The following MINDY3 variants were observed in gnomAD, a reference collection of about 807,000 sequenced individuals.
MINDY3 encodes ubiquitin carboxyl-terminal hydrolase MINDY-3.
A neutral mutation model predicts 69.2 loss-of-function variants in MINDY3; 38 were observed. The observed-to-expected ratio is 0.55, with a 90% CI of 0.42 to 0.72. The LOEUF is 0.72. MINDY3 is among the 30% of genes least tolerant of loss of function. MINDY3 has a pLI of 0.00. For synonymous variants in MINDY3, 192 were observed against 180.1 expected, an observed-to-expected ratio of 1.07 and a Z score of -0.53; for missense variants, 522 against 519.0, an observed-to-expected ratio of 1.01 and a Z score of -0.06.
At position 15,839,008 on chromosome 10, in the gene MINDY3, A is replaced by G. The variant is rs568714285; in HGVS notation, c.410-729T>C. Among the ~76,000 whole-genome samples the G allele has an allele frequency of 4.0e-5, 6 of 151,740 alleles. No individual in the cohort carries two copies. In the South Asian group the frequency reaches 1.2e-3, roughly 31 times the overall value. ...AGGCACACAGAAAAATCCTCTCAAG[A>G]GTACATAGGATTAAACAGCAGAGAT... On this transcript the variant is annotated intron_variant, in intron 4 of 14. Coordinates refer to ENST00000277632, the MANE Select transcript of MINDY3 (RefSeq NM_024948.4).
chr10:15,819,532 G>C (rs1489631507), intron 9 of MINDY3, among the ~76,000 whole-genome samples: 2 of 152,080 alleles, frequency 1.3e-5, no homozygotes, highest in Non-Finnish European at 2.9e-5. Flanking sequence ...GATAACCCAA[G>C]AGCCCCCCAG....
chr10:15,860,349 A>G lies in MINDY3; in HGVS notation c.-50T>C, dbSNP rs756825657. The G allele has an allele frequency of 6.5e-6, 9 of 1,392,940 alleles. No individual in the cohort carries two copies. In the South Asian group the frequency reaches 1.1e-4, roughly 17 times the overall value. 86.3% of individuals were successfully genotyped at this position (1,392,940 alleles called of 1,614,324 possible). A position where few individuals can be genotyped will look rare whatever the true frequency, so the allele number is the denominator to read the frequency against. On this transcript the variant is annotated 5_prime_UTR_variant, in exon 1 of 15. Coordinates refer to ENST00000277632, the MANE Select transcript of MINDY3 (RefSeq NM_024948.4). ...TCGCTTTGCGGACTCCTGCCCCGGA[A>G]CATGGGGAAGGGGCAACTCCGGAAA...
At chr10:15,828,732 T>C (rs978980197) in intron 8 of MINDY3, among the ~76,000 whole-genome samples, 1 of 152,162 alleles carries the variant, frequency 6.6e-6, no homozygotes, top group Non-Finnish European at 1.5e-5. Context: ...ACAATCTAAC[T>C]GTTTACCATA....
At chr10:15,853,076 C>T (rs1335381761) in intron 1 of MINDY3, among the ~76,000 whole-genome samples, 1 of 152,030 alleles carries the variant, frequency 6.6e-6, no homozygotes, top group Non-Finnish European at 1.5e-5. Context: ...GAACCCACTA[C>T]CCCTCGAACA....
chr10:15,831,684 T>C (rs1034277905), intron 8 of MINDY3, among the ~76,000 whole-genome samples: 2 of 149,818 alleles, frequency 1.3e-5, no homozygotes, highest in African/African-American at 4.9e-5. Context: ...TTTTTTTTTT[T>C]TTTTTTTTTG....
chr10:15,821,622 A>G (rs1227646128), intron 9 of MINDY3, 34 bp downstream of exon 9: 2 of 1,544,826 alleles, frequency 1.3e-6, no homozygotes, highest in Admixed American at 3.5e-5. Context: ...CATCTAAACA[A>G]AAAACATTCA....
At chr10:15,859,620 C>A (rs1834943887) in intron 1 of MINDY3, among the ~76,000 whole-genome samples, 1 of 151,378 alleles carries the variant, frequency 6.6e-6, no homozygotes, top group African/African-American at 2.5e-5. Flanking sequence ...CCTTTTTTAA[C>A]CGTGACAGAT....
chr10:15,785,536 T>A (rs915081434), intron 13 of MINDY3, among the ~76,000 whole-genome samples: 8 of 152,178 alleles, frequency 5.3e-5, no homozygotes, highest in African/African-American at 1.9e-4. Context: ...AATGTATTAT[T>A]AATCCAGATA....
intron 8 of MINDY3, among the ~76,000 whole-genome samples, chr10:15,830,998 G>A (rs1840418871): frequency 6.6e-6 from 1 of 152,088 alleles, no homozygotes; most frequent in Admixed American, 6.6e-5. Context: ...CAGTAACTCT[G>A]GAAAGATATA....
chr10:15,823,107 C>G (rs1236290755), intron 8 of MINDY3, among the ~76,000 whole-genome samples: 1 of 152,030 alleles, frequency 6.6e-6, no homozygotes, highest in African/African-American at 2.4e-5. Context: ...TACTGTGTAG[C>G]CTTAACTACA....
Position 15,860,477 on chromosome 10 carries a change from G to C in MINDY3, c.-178C>G. On this transcript the variant is annotated 5_prime_UTR_variant, in exon 1 of 15. Coordinates refer to ENST00000277632, the MANE Select transcript of MINDY3 (RefSeq NM_024948.4). The stretch of plus-strand genomic sequence containing the variant: ...GAGACCAAGCCTGTCAAGCCAGGTT[G>C]GGGCAGCAGCGAGTTTTCCGTACCG... The C allele has an allele frequency of 1.6e-6, 1 of 618,646 alleles. No homozygotes were observed. The highest frequency in any genetic ancestry group is 2.9e-5 in the East Asian group (1 of 34,308). The allele number at this position is 618,646 out of a possible 1,614,324, so 38.3% of individuals were successfully genotyped here.
chr10:15,847,214 G>A (rs1177947986), intron 2 of MINDY3, among the ~76,000 whole-genome samples: 1 of 152,084 alleles, frequency 6.6e-6, no homozygotes, highest in East Asian at 1.9e-4. Context: ...TCAATTCTTG[G>A]TTTTAACAAT....
intron 1 of MINDY3, among the ~76,000 whole-genome samples, chr10:15,849,885 T>C (rs991126859): frequency 6.6e-6 from 1 of 152,234 alleles, no homozygotes; most frequent in Non-Finnish European, 1.5e-5. Flanking sequence ...GTCATCTATA[T>C]ATGCCCTGTT....
At chr10:15,837,930 A>G (rs1041186144) in intron 5 of MINDY3, 2 of 938,750 alleles carry the variant, frequency 2.1e-6, no homozygotes, top group Admixed American at 6.2e-5. Flanking sequence ...AAATCTTCAT[A>G]TTTGTTTAGG....
At chr10:15,831,984 T>C (rs1035534305) in intron 8 of MINDY3, among the ~76,000 whole-genome samples, 7 of 152,098 alleles carry the variant, frequency 4.6e-5, no homozygotes, top group African/African-American at 7.2e-5. Flanking sequence ...ACATGGAGCC[T>C]CCTATTCTTG....
intron 11 of MINDY3, among the ~76,000 whole-genome samples, chr10:15,794,723 A>G (rs1162338556): frequency 2.0e-5 from 3 of 152,226 alleles, no homozygotes; most frequent in South Asian, 4.1e-4. Flanking sequence ...ACTGTAAAAG[A>G]AAATAAATAG....
At chr10:15,860,143 C>A in intron 1 of MINDY3, 63 bp downstream of exon 1, 2 of 1,255,686 alleles carry the variant, frequency 1.6e-6, no homozygotes, top group African/African-American at 3.0e-5. Context: ...AGAGGCGTCA[C>A]AGGCGGACTC....
chr10:15,843,677 C>T (rs1833635229), intron 2 of MINDY3, among the ~76,000 whole-genome samples: 1 of 151,998 alleles, frequency 6.6e-6, no homozygotes, highest in Non-Finnish European at 1.5e-5. Flanking sequence ...GGTTCTGTTC[C>T]CTTAGTCTTC....
At chr10:15,833,466 T>C (rs781024218) in intron 8 of MINDY3, among the ~76,000 whole-genome samples, 164 bp downstream of exon 8, 2 of 152,320 alleles carry the variant, frequency 1.3e-5, no homozygotes, top group South Asian at 4.1e-4. Context: ...CCAAGATTAA[T>C]GGTCTTAACA....
Sources: gnomAD v4.1 joint callset for allele counts (sites outside exome capture counted in the v4.1 genomes callset) on GRCh38, gnomAD v4.1.1 for gene constraint, MANE v1.5 for transcripts, NCBI Gene and HGNC (gene_info 2026-07-23, HGNC 2026-07-21) for gene names.